PRSS3: variants seen among roughly 807,000 people sequenced by gnomAD.
PRSS3 encodes trypsin-3.
PRSS3 carries 14 observed loss-of-function variants against 20.8 expected under a neutral mutation model. The observed-to-expected ratio is 0.67, with a 90% CI of 0.44 to 1.05. The LOEUF (loss-of-function observed/expected upper bound fraction) is 1.05, where lower values mean the gene tolerates loss of function less well. Among genes scored for constraint, PRSS3 ranks in the 50% least tolerant of loss-of-function variants. The pLI is 0.00. For synonymous variants in PRSS3, 91 were observed against 117.6 expected, an observed-to-expected ratio of 0.77 and a Z score of 1.46; for missense variants, 237 against 306.4, an observed-to-expected ratio of 0.77 and a Z score of 1.69.
chr9:33,781,103 A>C (rs999318698), intron 1 of PRSS3, among the ~76,000 whole-genome samples: 1 of 152,258 alleles, frequency 6.6e-6, no homozygotes, highest in Non-Finnish European at 1.5e-5. Flanking sequence ...AATGTAAATT[A>C]GTTCAGGCAC....
chr9:33,765,388 A>T (rs796436775), intron 1 of PRSS3, among the ~76,000 whole-genome samples: 1 of 152,202 alleles, frequency 6.6e-6, no homozygotes, highest in Non-Finnish European at 1.5e-5. Context: ...ATGAAGATTC[A>T]TTTTTACTGT....
chr9:33,771,509 AACAG>A (rs1823689389), intron 1 of PRSS3, among the ~76,000 whole-genome samples: 1 of 150,842 alleles, frequency 6.6e-6, no homozygotes, highest in African/African-American at 2.4e-5. Flanking sequence ...TATTTTTAGT[AACAG>A]ACAGGGTTTC....
rs75489457 is a variant in PRSS3, at chr9:33,772,166, G to A, written c.-53+21439G>A. 3.0e-4 allele frequency among the ~76,000 whole-genome samples: 45 copies of A among 152,166 alleles called. No individual in the cohort carries two copies. The East Asian group carries it at 6.2e-3, about 21-fold the overall frequency. On this transcript the variant is annotated intron_variant, in intron 1 of 5. Transcript: ENST00000342836. ...GGATTACAGGCGTAAGCCACCGCGC[G>A]CAGCCCCCAGGCTAGTCTTAAAGGG...
intron 1 of PRSS3, among the ~76,000 whole-genome samples, chr9:33,770,163 A>T (rs1268052886): frequency 2.0e-5 from 3 of 151,092 alleles, no homozygotes; most frequent in South Asian, 2.1e-4. Context: ...AAAAAAAAAA[A>T]TTGAACGGAA....
chr9:33,762,406 G>A (rs1005359002), intron 1 of PRSS3, among the ~76,000 whole-genome samples: 2 of 152,196 alleles, frequency 1.3e-5, no homozygotes, highest in African/African-American at 4.8e-5. Flanking sequence ...GTTCAGGACT[G>A]CGGCCACAGT....
At chr9:33,758,422 T>A (rs1159667657) in intron 1 of PRSS3, among the ~76,000 whole-genome samples, 2 of 152,200 alleles carry the variant, frequency 1.3e-5, no homozygotes, top group Non-Finnish European at 2.9e-5. Flanking sequence ...TGCAAAACAG[T>A]GATCTGTAGA....
chr9:33,755,095 G>T (rs539991789), intron 1 of PRSS3, among the ~76,000 whole-genome samples: 1 of 152,290 alleles, frequency 6.6e-6, no homozygotes, highest in South Asian at 2.1e-4. Flanking sequence ...TCTGGGCTGG[G>T]TCTATAAATC....
intron 1 of PRSS3, among the ~76,000 whole-genome samples, chr9:33,779,386 G>T (rs1390583100): frequency 6.6e-6 from 1 of 152,156 alleles, no homozygotes; most frequent in Admixed American, 6.5e-5. Flanking sequence ...TAGCCATTTT[G>T]AGAATCAGAA....
In PRSS3 at chr9:33,784,346, T is replaced by A. The variant is rs706140; in HGVS notation, c.-52-10400T>A. ...TTATTTTGGCAGGGAGTTTGATACA[T>A]TTGACTAAAAGATTTAAAAATATAC... On this transcript the variant is annotated intron_variant, in intron 1 of 5. Transcript: ENST00000342836. Among the ~76,000 whole-genome samples the A allele has an allele frequency of 1.8e-3, 275 of 152,326 alleles. 2 individuals are homozygous for A. Among genetic ancestry groups the A allele is most frequent in the African/African-American group, 6.3e-3 (262 of 41,546 alleles).
intron 1 of PRSS3, among the ~76,000 whole-genome samples, chr9:33,761,332 G>A (rs1437155429): frequency 2.0e-5 from 3 of 152,218 alleles, no homozygotes; most frequent in Admixed American, 6.5e-5. Flanking sequence ...TGTACAGCAC[G>A]TTACTGTACC....
chr9:33,756,760 C>T (rs1822969643), intron 1 of PRSS3, among the ~76,000 whole-genome samples: 1 of 152,152 alleles, frequency 6.6e-6, no homozygotes, highest in African/African-American at 2.4e-5. Flanking sequence ...AGTATCTTCT[C>T]TTATTTCTCT....
chr9:33,768,572 A>G (rs7870584), intron 1 of PRSS3, among the ~76,000 whole-genome samples: 17,022 of 151,766 alleles, frequency 0.11, 1,382 homozygotes, highest in African/African-American at 0.22. Flanking sequence ...GAAAGCACCT[A>G]TCAGCTGGGC....
chr9:33,759,109 G>T (rs1823070029), intron 1 of PRSS3, among the ~76,000 whole-genome samples: 1 of 152,098 alleles, frequency 6.6e-6, no homozygotes, highest in South Asian at 2.1e-4. Flanking sequence ...GAATGAAAAG[G>T]ACATGCAATT....
chr9:33,795,478 G>A (rs1253681902), upstream of PRSS3: 1 of 1,537,864 alleles, frequency 6.5e-7, no homozygotes, highest in African/African-American at 1.4e-5. Flanking sequence ...GTGCTGGGAA[G>A]AACTGTGACC....
upstream of PRSS3, chr9:33,795,465 T>C: frequency 6.7e-7 from 1 of 1,483,868 alleles, no homozygotes; most frequent in Middle Eastern, 1.7e-4. Flanking sequence ...TGCAGGTGTG[T>C]TTGTGCTGGG....
At chr9:33,780,374 A>G (rs706137) in intron 1 of PRSS3, among the ~76,000 whole-genome samples, 147,506 of 152,326 alleles carry the variant, frequency 0.97, 71,504 homozygotes, top group Non-Finnish European at 1. Flanking sequence ...GAGGAAATTT[A>G]TTTTAAGTAG....
intron 1 of PRSS3, among the ~76,000 whole-genome samples, chr9:33,783,144 T>C (rs1030425432): frequency 4.6e-5 from 7 of 152,234 alleles, no homozygotes; most frequent in Admixed American, 3.9e-4. Context: ...ATTCCATTTA[T>C]AGAAAATTCT....
At chr9:33,793,070 A>G (rs1356788484), upstream of PRSS3, among the ~76,000 whole-genome samples, 2 of 152,246 alleles carry the variant, frequency 1.3e-5, no homozygotes, top group Non-Finnish European at 2.9e-5. Flanking sequence ...TCCTTTTTGA[A>G]GAAAGCTGAC....
At chr9:33,780,958 CAG>C (rs1334470867) in intron 1 of PRSS3, among the ~76,000 whole-genome samples, 1 of 152,192 alleles carries the variant, frequency 6.6e-6, no homozygotes, top group Non-Finnish European at 1.5e-5. Context: ...ACTCCACTGA[CAG>C]TGTTAGACAG....
Sources: allele counts gnomAD v4.1 joint callset (sites outside exome capture counted in the v4.1 genomes callset), GRCh38; gene constraint gnomAD v4.1.1; transcripts MANE v1.5; gene names NCBI Gene and HGNC (gene_info 2026-07-23, HGNC 2026-07-21).